KIAA0319L: variants seen among roughly 807,000 people sequenced by gnomAD.
KIAA0319L encodes KIAA0319 like, also known as dyslexia-associated protein KIAA0319-like protein.
KIAA0319L carries 55 observed loss-of-function variants against 120.1 expected under a neutral mutation model. The ratio of observed to expected loss-of-function variants is 0.46; its 90% CI spans 0.37 to 0.57. The LOEUF is 0.57. Ranked by LOEUF, KIAA0319L falls within the 20% of genes least tolerant of loss-of-function variation. The pLI is 0.00. For synonymous variants in KIAA0319L, 398 were observed against 471.9 expected (o/e 0.84, Z 2.03); for missense variants, 1,049 against 1,255.3 (o/e 0.84, Z 2.48).
At chr1:35,454,543 A>G in intron 10 of KIAA0319L, 58 bp from the exon 11 acceptor site, 1 of 1,599,294 alleles carries the variant, frequency 6.3e-7, no homozygotes, top group Non-Finnish European at 8.5e-7. Context: ...TCACACAATA[A>G]TTCCGACTCT....
chr1:35,508,112 G>C (rs984818653), intron 2 of KIAA0319L, among the ~76,000 whole-genome samples: 1 of 152,156 alleles, frequency 6.6e-6, no homozygotes, highest in Middle Eastern at 3.2e-3. Context: ...CAGAACTAGG[G>C]TGAGGCAAGA....
intron 5 of KIAA0319L, among the ~76,000 whole-genome samples, chr1:35,472,702 T>C (rs991489325): frequency 6.6e-6 from 1 of 152,002 alleles, no homozygotes; most frequent in African/African-American, 2.4e-5. Flanking sequence ...CCCCCAACCT[T>C]TGGAAGTTTG....
At chr1:35,447,977 G>A (rs1641759704) in intron 16 of KIAA0319L, among the ~76,000 whole-genome samples, 196 bp downstream of exon 16, 1 of 152,102 alleles carries the variant, frequency 6.6e-6, no homozygotes, top group African/African-American at 2.4e-5. Context: ...CTACACCCTG[G>A]AGCCCTGCTG....
At chr1:35,498,201 T>C (rs1474943440) in intron 3 of KIAA0319L, among the ~76,000 whole-genome samples, 4 of 151,872 alleles carry the variant, frequency 2.6e-5, no homozygotes. Flanking sequence ...GGTATGATGA[T>C]GGGTGCCTGT....
At chr1:35,460,108 AC>A (rs1642783040) in intron 9 of KIAA0319L, among the ~76,000 whole-genome samples, 196 bp downstream of exon 9, 2 of 152,190 alleles carry the variant, frequency 1.3e-5, no homozygotes, top group Admixed American at 6.5e-5. Context: ...CTATACAAGA[AC>A]CTTTGCCCTA....
chr1:35,496,429 AAAAAT>A (rs1398806213), intron 3 of KIAA0319L, among the ~76,000 whole-genome samples: 1 of 152,186 alleles, frequency 6.6e-6, no homozygotes, highest in Non-Finnish European at 1.5e-5. Flanking sequence ...CAAAAAAATA[AAAAAT>A]AAAATAAAAC....
intron 2 of KIAA0319L, among the ~76,000 whole-genome samples, chr1:35,541,594 C>T (rs951294499): frequency 6.6e-6 from 1 of 152,038 alleles, no homozygotes; most frequent in Non-Finnish European, 1.5e-5. Context: ...AGGTGATCCA[C>T]CCACCGCAGC....
chr1:35,545,919 G>A (rs540017950), intron 2 of KIAA0319L, among the ~76,000 whole-genome samples: 4 of 152,154 alleles, frequency 2.6e-5, no homozygotes, highest in South Asian at 2.1e-4. Flanking sequence ...ATGACTCAGG[G>A]ATTTCAACCT....
chr1:35,554,177 A>C (rs1246623297), intron 2 of KIAA0319L, among the ~76,000 whole-genome samples, 173 bp downstream of exon 2: 1 of 152,208 alleles, frequency 6.6e-6, no homozygotes, highest in Non-Finnish European at 1.5e-5. Flanking sequence ...CTGGTTCCAA[A>C]ACAAAACAAA....
chr1:35,475,356 T>G (rs1049015376), intron 4 of KIAA0319L, among the ~76,000 whole-genome samples: 1 of 152,218 alleles, frequency 6.6e-6, no homozygotes, highest in Non-Finnish European at 1.5e-5. Flanking sequence ...AACAAATAAC[T>G]TTCTAATAAG....
chr1:35,441,412 GAAAAC>G (rs1641207202), intron 19 of KIAA0319L, among the ~76,000 whole-genome samples: 1 of 152,116 alleles, frequency 6.6e-6, no homozygotes, highest in African/African-American at 2.4e-5. Flanking sequence ...AAAACGTAAA[GAAAAC>G]AAAATCCTCT....
Position 35,454,329 on chromosome 1 carries a change from T to C in KIAA0319L, c.1780+33A>G, listed in dbSNP as rs1416601587. 163 of 1,611,292 alleles carry C rather than the reference T, an allele frequency of 1.0e-4. 3 individuals are homozygous for C. In the Admixed American group the frequency reaches 2.6e-3, roughly 26 times the overall value. ...CCCCAAGGTTAAATGGACCCACCAATAGAAGAGCCTGAACCACAAGGCTGG... is the reference window on the plus strand; with the variant it reads ...CCCCAAGGTTAAATGGACCCACCAACAGAAGAGCCTGAACCACAAGGCTGG... On this transcript the variant is annotated intron_variant, in intron 11 of 20. Transcript: ENST00000325722.
Position 35,450,030 on chromosome 1 carries a change from T to C in KIAA0319L, c.2215-25A>G, listed in dbSNP as rs771283089. ...CCTGTAGGGTTGAACAACATGGCTA[T>C]GTTACAGAACAAAATGCCATTCCTT... is the stretch of plus-strand genomic sequence containing the variant. On this transcript the variant is annotated intron_variant, in intron 14 of 20. Transcript: ENST00000325722. 11 of 1,613,488 alleles carry C rather than the reference T, an allele frequency of 6.8e-6. No individual in the cohort carries two copies. In the Admixed American group the frequency reaches 1.7e-4, roughly 24 times the overall value.
intron 3 of KIAA0319L, among the ~76,000 whole-genome samples, chr1:35,499,290 T>G (rs1223228971): frequency 6.6e-6 from 1 of 152,126 alleles, no homozygotes; most frequent in Admixed American, 6.5e-5. Context: ...AAAGTGATGG[T>G]ATTAGGAGGT....
At chr1:35,491,497 G>C (rs745874767) in intron 3 of KIAA0319L, among the ~76,000 whole-genome samples, 11 of 152,090 alleles carry the variant, frequency 7.2e-5, no homozygotes, top group Non-Finnish European at 1.5e-4. Flanking sequence ...ATAAAAACTA[G>C]AGCAGATATC....
chr1:35,550,213 G>T (rs563286245), intron 2 of KIAA0319L, among the ~76,000 whole-genome samples: 27 of 152,338 alleles, frequency 1.8e-4, no homozygotes, highest in African/African-American at 6.5e-4. Context: ...AGCTGCCTGG[G>T]GCTCTACCAA....
intron 2 of KIAA0319L, among the ~76,000 whole-genome samples, chr1:35,511,944 A>G (rs115110966): frequency 0.012 from 1,773 of 152,244 alleles, 11 homozygotes; most frequent in Non-Finnish European, 0.02. Context: ...CAATGAAGCT[A>G]TTTTTGTTTG....
In KIAA0319L at chr1:35,479,211, A is replaced by G; in HGVS notation, c.668T>C (p.Val223Ala). ...ACTGGAAATTGTAATCGCCTTGTGGACCTAAAGAAATAAAAAAACTAATTT... is the reference window on the plus strand; with the variant it reads ...ACTGGAAATTGTAATCGCCTTGTGGGCCTAAAGAAATAAAAAAACTAATTT... ...GGLTTSGSAE[V>A]HKAITISSPL... Residue 223 changes from valine to alanine, a missense_variant and splice_region_variant, in exon 4 of 21, where the codon GTC (valine) becomes GCC (alanine). Physicochemically the swap from Val to Ala is moderately conservative, Grantham distance 64 (BLOSUM62 0). Transcript: ENST00000325722. 1.2e-6 allele frequency: 2 copies of G among 1,608,262 alleles called. No homozygotes were observed. Among genetic ancestry groups the G allele is most frequent in the Non-Finnish European group, 1.7e-6 (2 of 1,176,126 alleles).
In KIAA0319L at chr1:35,461,493, T is replaced by C. The variant is rs138084857; in HGVS notation, c.1295-1056A>G. On this transcript the variant is annotated intron_variant, in intron 8 of 20. Coordinates refer to ENST00000325722, the MANE Select transcript of KIAA0319L (RefSeq NM_024874.5). ...AAAAAAAAAGAAAAATTCTCCAACA[T>C]ACAAAAACAAGCATCACACATAACA... 3.4e-3 allele frequency among the ~76,000 whole-genome samples: 520 copies of C among 152,100 alleles called. 2 individuals carry two copies. The highest frequency in any genetic ancestry group is 4.8e-3 in the Non-Finnish European group (325 of 67,970).
Sources: gnomAD v4.1 joint callset for allele counts (sites outside exome capture counted in the v4.1 genomes callset) on GRCh38, gnomAD v4.1.1 for gene constraint, MANE v1.5 for transcripts, NCBI Gene and HGNC (gene_info 2026-07-23, HGNC 2026-07-21) for gene names.